The following KDM5B variants were observed in gnomAD, a reference collection of about 807,000 sequenced individuals.
The protein encoded by KDM5B is lysine demethylase 5B.
A neutral mutation model predicts 193.4 loss-of-function variants in KDM5B; 144 were observed. That is an observed-to-expected ratio of 0.74 (90% CI 0.65 to 0.86). The LOEUF (loss-of-function observed/expected upper bound fraction) is 0.86, where lower values mean the gene tolerates loss of function less well. Ranked by LOEUF, KDM5B falls within the 40% of genes least tolerant of loss-of-function variation. The pLI is 0.00. For synonymous variants in KDM5B, 668 were observed against 682.6 expected, an observed-to-expected ratio of 0.98 and a Z score of 0.33; for missense variants, 1,833 against 1,886.9, an observed-to-expected ratio of 0.97 and a Z score of 0.53.
In KDM5B at chr1:202,752,801, T is replaced by C. The variant is rs1655843750; in HGVS notation, c.1701+104A>G. 4.5e-6 allele frequency: 5 copies of C among 1,108,460 alleles called. 1 individual carries two copies. The South Asian group carries it at 6.1e-5, about 13-fold the overall frequency. 68.7% of individuals were successfully genotyped at this position (1,108,460 alleles called of 1,614,324 possible). A position where few individuals can be genotyped will look rare whatever the true frequency, so the allele number is the denominator to read the frequency against. ...CTGTTTCTGCTATCAAGTCATGCTA[T>C]GGAAAACACAGAACTAAATCAACAT... On this transcript the variant is annotated intron_variant, in intron 12 of 26. Coordinates refer to ENST00000367265, the MANE Select transcript of KDM5B (RefSeq NM_006618.5).
At chr1:202,735,836 CATG>C (rs1485591247) in intron 21 of KDM5B, among the ~76,000 whole-genome samples, 1 of 152,174 alleles carries the variant, frequency 6.6e-6, no homozygotes, top group Non-Finnish European at 1.5e-5. Context: ...TGATCCCAGT[CATG>C]ATGCACAAGC....
chr1:202,757,279 A>C (rs2102265943), intron 9 of KDM5B, among the ~76,000 whole-genome samples: 1 of 152,266 alleles, frequency 6.6e-6, no homozygotes, highest in South Asian at 2.1e-4. Context: ...CTAACAGGCC[A>C]CCGACTGGTA....
intron 16 of KDM5B, 147 bp from the exon 17 acceptor site, chr1:202,742,952 G>A (rs1028056746): frequency 1.4e-6 from 1 of 716,488 alleles, no homozygotes. Flanking sequence ...TAACAAATTT[G>A]TTGATTTGAT....
At position 202,725,237 on chromosome 1, in the gene KDM5B, T is replaced by A. The variant is rs1166509028; in HGVS notation, c.*3799A>T. The A allele has an allele frequency of 6.6e-6, 1 of 152,230 alleles. No individual in the cohort carries two copies. Among genetic ancestry groups the A allele is most frequent in the African/African-American group, 2.4e-5 (1 of 41,454 alleles). 9.4% of individuals were successfully genotyped at this position (152,230 alleles called of 1,614,324 possible). ...TAAAAACGTAAGGTGTATTCCTATG[T>A]AAGCAATATTGAAACATGAAAAACT... is the stretch of plus-strand genomic sequence containing the variant. On this transcript the variant is annotated 3_prime_UTR_variant, in exon 27 of 27. Coordinates refer to ENST00000367265, the MANE Select transcript of KDM5B (RefSeq NM_006618.5).
Position 202,796,062 on chromosome 1 carries a change from C to T in KDM5B, c.204+12040G>A, listed in dbSNP as rs560847877. 3 of 205,180 alleles carry T rather than the reference C, an allele frequency of 1.5e-5. No individual in the cohort carries two copies. In the East Asian group the frequency reaches 4.9e-4, roughly 34 times the overall value. 12.7% of individuals were successfully genotyped at this position (205,180 alleles called of 1,614,324 possible). On this transcript the variant is annotated intron_variant, in intron 1 of 26. Coordinates refer to ENST00000367265, the MANE Select transcript of KDM5B (RefSeq NM_006618.5). The stretch of plus-strand genomic sequence containing the variant: ...ACAGGACTCTGGGGGCATTAGCTCC[C>T]TCCAACAAATGGTGGTCTCACGTTT...
Position 202,741,527 on chromosome 1 carries a change from C to T in KDM5B, c.2785G>A (p.Asp929Asn), listed in dbSNP as rs781301992. The T allele has an allele frequency of 6.2e-7, 1 of 1,614,190 alleles. No homozygotes were observed. Among genetic ancestry groups the T allele is most frequent in the Non-Finnish European group, 8.5e-7 (1 of 1,180,034 alleles). ...WLEEVQQACL[D>N]PSSLTLDDMR... Reference sequence around the variant, plus strand: ...TCATCTAAAGTAAGGGAGCTGGGGTCTAGGCAAGCTTGCTGCACCTCTTCT... The same window carrying T: ...TCATCTAAAGTAAGGGAGCTGGGGTTTAGGCAAGCTTGCTGCACCTCTTCT... The change falls in exon 19 of 27, where the codon GAC becomes AAC. Residue 929 changes from aspartate (D) to asparagine (N), a missense_variant. By Grantham distance (23) the Asp-to-Asn change is conservative (BLOSUM62 1). Transcript: ENST00000367265.
chr1:202,757,860 T>C (rs1250352647), intron 9 of KDM5B, among the ~76,000 whole-genome samples: 3 of 152,184 alleles, frequency 2.0e-5, no homozygotes, highest in Non-Finnish European at 2.9e-5. Flanking sequence ...ACAAAAATCA[T>C]AGCTTAAATA....
chr1:202,779,617 T>C (rs1287534082), intron 1 of KDM5B, among the ~76,000 whole-genome samples: 7 of 151,840 alleles, frequency 4.6e-5, no homozygotes, highest in African/African-American at 1.2e-4. Context: ...CTGGCCAACA[T>C]GGCAAAACCC....
At chr1:202,761,876 A>T (rs1656263081) in intron 7 of KDM5B, among the ~76,000 whole-genome samples, 1 of 152,178 alleles carries the variant, frequency 6.6e-6, no homozygotes, top group Non-Finnish European at 1.5e-5. Context: ...GAAAGCTGAG[A>T]ATTCAACTAA....
chr1:202,763,755 G>A (rs1429603475), intron 6 of KDM5B, among the ~76,000 whole-genome samples: 1 of 152,090 alleles, frequency 6.6e-6, no homozygotes, highest in African/African-American at 2.4e-5. Flanking sequence ...TAACTGCATT[G>A]AATCAAATTT....
chr1:202,742,720 G>T lies in KDM5B; in HGVS notation c.2409C>A (p.Val803=), dbSNP rs1655395761. 1.2e-6 allele frequency: 2 copies of T among 1,614,070 alleles called. No homozygotes were observed. Among genetic ancestry groups the T allele is most frequent in the African/African-American group, 1.3e-5 (1 of 74,930 alleles). Residue 803 remains valine (V), a synonymous_variant, in exon 17 of 27, where the codon GTC becomes GTA. Coordinates refer to ENST00000367265, the MANE Select transcript of KDM5B (RefSeq NM_006618.5). ...AGGCACACTTCTCTGCATCCTGTGT[G>T]ACTAGGCGAAGGTGTCGCAAAAGAT... ...DNDLLRHLRL[V]TQDAEKCASV...
chr1:202,740,478 C>T (rs1353451119), intron 20 of KDM5B, among the ~76,000 whole-genome samples, 196 bp downstream of exon 20: 8 of 140,628 alleles, frequency 5.7e-5, no homozygotes, highest in African/African-American at 2.1e-4. Flanking sequence ...ACCTCCCTCC[C>T]GGACGGGGCG....
chr1:202,741,265 C>T, intron 19 of KDM5B, 102 bp downstream of exon 19: 7 of 721,638 alleles, frequency 9.7e-6, no homozygotes, highest in East Asian at 5.6e-5. Context: ...GCATAATAAC[C>T]GCAGCTACTG....
intron 1 of KDM5B, among the ~76,000 whole-genome samples, chr1:202,779,340 G>A (rs547568529): frequency 2.0e-5 from 3 of 152,114 alleles, no homozygotes; most frequent in African/African-American, 7.2e-5. Flanking sequence ...TTAGCCAGGC[G>A]TGGTGGCACG....
chr1:202,805,625 T>C (rs1384541514), intron 1 of KDM5B, among the ~76,000 whole-genome samples: 2 of 152,190 alleles, frequency 1.3e-5, no homozygotes, highest in Non-Finnish European at 2.9e-5. Context: ...ACATTATATA[T>C]ATCACCATGG....
chr1:202,794,917 TAA>T (rs1657778166), intron 1 of KDM5B, among the ~76,000 whole-genome samples: 1 of 152,192 alleles, frequency 6.6e-6, no homozygotes, highest in Non-Finnish European at 1.5e-5. Context: ...TACACTGTAA[TAA>T]AAGTTACATG....
intron 20 of KDM5B, among the ~76,000 whole-genome samples, chr1:202,739,701 A>G (rs1655232617): frequency 6.6e-6 from 1 of 152,182 alleles, no homozygotes; most frequent in South Asian, 2.1e-4. Context: ...GCCTTCAAGC[A>G]TCTGTTAAAC....
rs2102357604 is a variant in KDM5B at position 202,806,667 on chromosome 1, G to T, written c.204+1435C>A. 2.0e-5 allele frequency: 3 copies of T among 152,298 alleles called. No individual in the cohort carries two copies. In the East Asian group the frequency reaches 5.8e-4, roughly 29 times the overall value. 9.4% of individuals were successfully genotyped at this position (152,298 alleles called of 1,614,324 possible). On this transcript the variant is annotated intron_variant, in intron 1 of 26. Transcript: ENST00000367265. The stretch of plus-strand genomic sequence containing the variant: ...GTGTTTTAATTTGGGGCAGGGAAGG[G>T]TTAAGAAGCCTTATTTTCAGGGATC...
chr1:202,799,551 G>A (rs529339662), intron 1 of KDM5B, among the ~76,000 whole-genome samples: 1 of 151,974 alleles, frequency 6.6e-6, no homozygotes, highest in Non-Finnish European at 1.5e-5. Flanking sequence ...TACTAGGAAG[G>A]CTGAGGCAGG....
Sources: gnomAD v4.1 joint callset for allele counts (sites outside exome capture counted in the v4.1 genomes callset) on GRCh38, gnomAD v4.1.1 for gene constraint, MANE v1.5 for transcripts, NCBI Gene and HGNC (gene_info 2026-07-23, HGNC 2026-07-21) for gene names.